The following INO80B variants were observed in gnomAD, a reference collection of about 807,000 sequenced individuals.
INO80B encodes the protein IES2 homolog.
INO80B carries 18 observed loss-of-function variants against 31.4 expected under a neutral mutation model. That is an observed-to-expected ratio of 0.57 (90% CI 0.40 to 0.85). The LOEUF is 0.85. Among genes scored for constraint, INO80B ranks in the 40% least tolerant of loss-of-function variants. The pLI is 0.00. For missense variants in INO80B, 469 were observed against 475.4 expected (o/e 0.99, Z 0.13); for synonymous variants, 238 against 199.0 (o/e 1.20, Z -1.65).
rs2103964297 is a variant in INO80B at position 74,457,935 on chromosome 2, C to T, written c.*71C>T. The stretch of plus-strand genomic sequence containing the variant: ...GTATCTTCCCCACCCTATTAAATTA[C>T]ATCCGGTGCTTCGGCTTGTACAGAA... On this transcript the variant is annotated 3_prime_UTR_variant, in exon 5 of 5. Coordinates refer to ENST00000233331, the MANE Select transcript of INO80B (RefSeq NM_031288.4). 2.2e-6 allele frequency: 3 copies of T among 1,387,922 alleles called. No individual in the cohort carries two copies. The highest frequency in any genetic ancestry group is 2.9e-6 in the Non-Finnish European group (3 of 1,042,342). 86.0% of individuals were successfully genotyped at this position (1,387,922 alleles called of 1,614,324 possible).
At position 74,457,482 on chromosome 2, in the gene INO80B, G is replaced by T; in HGVS notation, c.689G>T (p.Arg230Leu). Residue 230 changes from arginine (R) to leucine (L), a missense_variant, in exon 5 of 5, where the codon CGG (arginine) becomes CTG (leucine). By Grantham distance (102) the Arg-to-Leu change is moderately radical. Transcript: ENST00000233331. ...AAGCGGCGGCTCCAGGCGGCGCGGCGGGCAGAAGAGCACAAGAACCAGACT... is the reference window on the plus strand; with the variant it reads ...AAGCGGCGGCTCCAGGCGGCGCGGCTGGCAGAAGAGCACAAGAACCAGACT... ...ARKRRLQAAR[R>L]AEEHKNQTIE... 1 of 1,552,346 alleles carries T rather than the reference G, an allele frequency of 6.4e-7. No homozygotes were observed.
chr2:74,457,440 G>T lies in INO80B; in HGVS notation c.647G>T (p.Arg216Leu). Residue 216 changes from arginine (R) to leucine (L), a missense_variant, in exon 5 of 5, where the codon CGC (arginine) becomes CTC (leucine). Arg to Leu is a moderately radical substitution (Grantham distance 102). Coordinates refer to ENST00000233331, the MANE Select transcript of INO80B (RefSeq NM_031288.4). ...CTCACAGAGGAGATGCTGCTGAAGC[G>T]CGAGGAGCGGGCGCGGAAGCGGCGG... ...PALTEEMLLK[R>L]EERARKRRLQ... 6.3e-7 allele frequency: 1 copy of T among 1,583,534 alleles called. No homozygotes were observed.
Position 74,457,700 on chromosome 2 carries a change from T to A in INO80B, c.907T>A (p.Ser303Thr). 6.3e-7 allele frequency: 1 copy of A among 1,599,728 alleles called. No individual in the cohort carries two copies. The highest frequency in any genetic ancestry group is 1.1e-5 in the South Asian group (1 of 90,802). ...GGCAGTGTCTCAGCGGCCATCCCCC[T>A]CAGGCCCGCCGCCGCGCTGCTCTGT... ...PTAVSQRPSPSGPPPRCSVPG... is the reference protein window; with the variant it reads ...PTAVSQRPSPTGPPPRCSVPG... The change falls in exon 5 of 5, where the codon TCA (serine) becomes ACA (threonine). Residue 303 changes from serine to threonine, a missense_variant. Coordinates refer to ENST00000233331, the MANE Select transcript of INO80B (RefSeq NM_031288.4).
chr2:74,457,473 C>A lies in INO80B; in HGVS notation c.680C>A (p.Ala227Glu). 6.4e-7 allele frequency: 1 copy of A among 1,556,298 alleles called. No homozygotes were observed. The highest frequency in any genetic ancestry group is 8.7e-7 in the Non-Finnish European group (1 of 1,150,576). Residue 227 changes from alanine (A) to glutamate (E), a missense_variant, in exon 5 of 5, where the codon GCG becomes GAG. This residue lies in a region of INO80B where 45 missense variants were observed against 70.3 expected (regional missense o/e 0.64). Transcript: ENST00000233331. Reference sequence around the variant, plus strand: ...CGGGCGCGGAAGCGGCGGCTCCAGGCGGCGCGGCGGGCAGAAGAGCACAAG... The same window carrying A: ...CGGGCGCGGAAGCGGCGGCTCCAGGAGGCGCGGCGGGCAGAAGAGCACAAG... ...EERARKRRLQ[A>E]ARRAEEHKNQ...
In INO80B at chr2:74,457,380, C is replaced by G. The variant is rs757074865; in HGVS notation, c.587C>G (p.Pro196Arg). The G allele has an allele frequency of 6.2e-7, 1 of 1,608,726 alleles. No homozygotes were observed. The highest frequency in any genetic ancestry group is 2.2e-5 in the East Asian group (1 of 44,582). Residue 196 changes from proline to arginine, a missense_variant, in exon 5 of 5, where the codon CCG (proline) becomes CGG (arginine). Physicochemically the swap from Pro to Arg is moderately radical, Grantham distance 103. This residue lies in a region of INO80B where 223 missense variants were observed against 253.4 expected (regional missense o/e 0.88). Coordinates refer to ENST00000233331, the MANE Select transcript of INO80B (RefSeq NM_031288.4). ...CGGAGTCAACCTTCCCCTATGCTGC[C>G]GCTGCCTGTAGCTGAGGGCTGCCCA... ...KARSQPSPML[P>R]LPVAEGCPPP... is the part of the protein sequence containing the mutation.
rs1237912355 is a variant in INO80B, at chr2:74,457,705, C to A, written c.912C>A (p.Gly304=). ...TAVSQRPSPS[G]PPPRCSVPGC... ...TGTCTCAGCGGCCATCCCCCTCAGG[C>A]CCGCCGCCGCGCTGCTCTGTCCCCG... The change falls in exon 5 of 5, where the codon GGC becomes GGA. Residue 304 remains glycine, a synonymous_variant. Transcript: ENST00000233331. 9 of 1,599,818 alleles carry A rather than the reference C, an allele frequency of 5.6e-6. No homozygotes were observed. Among genetic ancestry groups the A allele is most frequent in the Non-Finnish European group, 6.8e-6 (8 of 1,179,242 alleles).
intron 4 of INO80B, among the ~76,000 whole-genome samples, chr2:74,456,475 A>G (rs1374620912): frequency 6.6e-6 from 1 of 152,256 alleles, no homozygotes; most frequent in African/African-American, 2.4e-5. Flanking sequence ...TATATGGTTT[A>G]TGACAAAAAG....
At position 74,455,184 on chromosome 2, in the gene INO80B, A is replaced by C. The variant is rs374413390; in HGVS notation, c.58+10A>C. The C allele has an allele frequency of 6.2e-6, 10 of 1,614,002 alleles. No homozygotes were observed. In the African/African-American group the frequency reaches 1.1e-4, roughly 17 times the overall value. On this transcript the variant is annotated intron_variant, in intron 1 of 4. Transcript: ENST00000233331. ...GAGGCCCCTGAGCCGGGTAAGCGCGAATAGATCAAGCAATTTAGGTCGTGT... is the reference window on the plus strand; with the variant it reads ...GAGGCCCCTGAGCCGGGTAAGCGCGCATAGATCAAGCAATTTAGGTCGTGT...
chr2:74,455,642 G>A (rs1285625005), intron 2 of INO80B, 44 bp downstream of exon 2: 1 of 1,559,306 alleles, frequency 6.4e-7, no homozygotes, highest in Admixed American at 2.0e-5. Context: ...AACTTTAGGA[G>A]CAGAGATAGT....
chr2:74,457,715 C>G lies in INO80B; in HGVS notation c.922C>G (p.Arg308Gly), dbSNP rs762609659. The change falls in exon 5 of 5, where the codon CGC becomes GGC. Residue 308 changes from arginine to glycine, a missense_variant. This residue lies in a region of INO80B where 201 missense variants were observed against 151.7 expected (regional missense o/e 1.32). Transcript: ENST00000233331. ...GCCATCCCCCTCAGGCCCGCCGCCG[C>G]GCTGCTCTGTCCCCGGCTGTCCCCA... ...QRPSPSGPPP[R>G]CSVPGCPHPR... The G allele has an allele frequency of 6.2e-7, 1 of 1,600,244 alleles. No individual in the cohort carries two copies. The highest frequency in any genetic ancestry group is 8.5e-7 in the Non-Finnish European group (1 of 1,179,508).
At position 74,457,731 on chromosome 2, in the gene INO80B, G is replaced by T; in HGVS notation, c.938G>T (p.Gly313Val). Residue 313 changes from glycine to valine, a missense_variant, in exon 5 of 5, where the codon GGC becomes GTC. Physicochemically the swap from Gly to Val is moderately radical, Grantham distance 109. This residue lies in a region of INO80B where 201 missense variants were observed against 151.7 expected (regional missense o/e 1.32). Transcript: ENST00000233331. ...SGPPPRCSVPGCPHPRRYACS... is the reference protein window; with the variant it reads ...SGPPPRCSVPVCPHPRRYACS... ...CCGCCGCCGCGCTGCTCTGTCCCCG[G>T]CTGTCCCCATCCGCGCCGCTACGCT... is the stretch of plus-strand genomic sequence containing the variant. 6.2e-7 allele frequency: 1 copy of T among 1,600,384 alleles called. No homozygotes were observed. Among genetic ancestry groups the T allele is most frequent in the South Asian group, 1.1e-5 (1 of 91,020 alleles).
At position 74,457,314 on chromosome 2, in the gene INO80B, C is replaced by A; in HGVS notation, c.541-20C>A. On this transcript the variant is annotated intron_variant, in intron 4 of 4. Coordinates refer to ENST00000233331, the MANE Select transcript of INO80B (RefSeq NM_031288.4). ...TCTTCCTCCATTTTCAGACAGCACC[C>A]CGTCTCTGTCTCTCCCTAGCGAGCT... is the stretch of plus-strand genomic sequence containing the variant. 1.9e-6 allele frequency: 3 copies of A among 1,594,872 alleles called. No homozygotes were observed. Among genetic ancestry groups the A allele is most frequent in the Non-Finnish European group, 2.6e-6 (3 of 1,171,518 alleles).
chr2:74,455,683 C>G, intron 2 of INO80B, 85 bp downstream of exon 2: 1 of 1,458,210 alleles, frequency 6.9e-7, no homozygotes, highest in Non-Finnish European at 9.4e-7. Context: ...TTCTAGAAGA[C>G]CGAATGGACA....
At position 74,457,822 on chromosome 2, in the gene INO80B, G is replaced by A; in HGVS notation, c.1029G>A (p.Leu343=). ...ACCGCATCAACCTGCAGATGCGGCT[G>A]GGGGGGCCCGAGGGTCCTGGATCCC... ...QCYRINLQMR[L]GGPEGPGSPL... The change falls in exon 5 of 5, where the codon CTG becomes CTA. Residue 343 remains leucine (L), a synonymous_variant. Transcript: ENST00000233331. 6.3e-7 allele frequency: 1 copy of A among 1,581,624 alleles called. No homozygotes were observed. The highest frequency in any genetic ancestry group is 8.5e-7 in the Non-Finnish European group (1 of 1,171,436).
Position 74,455,371 on chromosome 2 carries a change from C to G in INO80B, c.59-35C>G, listed in dbSNP as rs376540733. ...ATTCAGGGCTTCCCCTGCCACCCTC[C>G]GGCCAAACACTGTCGACAGGCTTTC... On this transcript the variant is annotated intron_variant, in intron 1 of 4. Transcript: ENST00000233331. The G allele has an allele frequency of 3.7e-6, 6 of 1,613,416 alleles. No homozygotes were observed. The South Asian group carries it at 5.5e-5, about 15-fold the overall frequency.
rs771409680 is a variant in INO80B at position 74,457,617 on chromosome 2, A to T, written c.824A>T (p.Tyr275Phe). Residue 275 changes from tyrosine (Y) to phenylalanine (F), a missense_variant, in exon 5 of 5, where the codon TAC becomes TTC. This residue lies in a region of INO80B where 201 missense variants were observed against 151.7 expected (regional missense o/e 1.32). Transcript: ENST00000233331. ...RAAAPAPMVR[Y>F]CSGAQGSTLS... The stretch of plus-strand genomic sequence containing the variant: ...GCGGCTCCGGCCCCCATGGTGCGCT[A>T]CTGCAGCGGAGCACAGGGTTCCACC... 1.0e-5 allele frequency: 16 copies of T among 1,582,280 alleles called. No homozygotes were observed. Among genetic ancestry groups the T allele is most frequent in the Non-Finnish European group, 1.3e-5 (15 of 1,170,588 alleles).
Position 74,457,941 on chromosome 2 carries a change from G to T in INO80B, c.*77G>T, listed in dbSNP as rs1262830970. The T allele has an allele frequency of 2.2e-6, 3 of 1,372,336 alleles. No homozygotes were observed. In the African/African-American group the frequency reaches 4.5e-5, roughly 21 times the overall value. 85.0% of individuals were successfully genotyped at this position (1,372,336 alleles called of 1,614,324 possible). A position where few individuals can be genotyped will look rare whatever the true frequency, so the allele number is the denominator to read the frequency against. On this transcript the variant is annotated 3_prime_UTR_variant, in exon 5 of 5. Coordinates refer to ENST00000233331, the MANE Select transcript of INO80B (RefSeq NM_031288.4). ...TCCCCACCCTATTAAATTACATCCG[G>T]TGCTTCGGCTTGTACAGAACTGGGG...
Position 74,456,157 on chromosome 2 carries a change from G to C in INO80B, c.425G>C (p.Gly142Ala), listed in dbSNP as rs1671691464. Residue 142 changes from glycine to alanine, a missense_variant, in exon 4 of 5, where the codon GGG (glycine) becomes GCG (alanine). Coordinates refer to ENST00000233331, the MANE Select transcript of INO80B (RefSeq NM_031288.4). Reference sequence around the variant, plus strand: ...CTTCGGGACCTATCAGGAGGGTTAGGGGGTCAGGAGGAAGAGGAGGAACAG... The same window carrying C: ...CTTCGGGACCTATCAGGAGGGTTAGCGGGTCAGGAGGAAGAGGAGGAACAG... ...SPLRDLSGGL[G>A]GQEEEEEQRW... is the part of the protein sequence containing the mutation. The C allele has an allele frequency of 4.3e-6, 7 of 1,613,026 alleles. No homozygotes were observed. Among genetic ancestry groups the C allele is most frequent in the Non-Finnish European group, 5.9e-6 (7 of 1,179,392 alleles).
At position 74,457,761 on chromosome 2, in the gene INO80B, C is replaced by G. The variant is rs1394793852; in HGVS notation, c.968C>G (p.Ser323Cys). Residue 323 changes from serine (S) to cysteine (C), a missense_variant, in exon 5 of 5, where the codon TCC becomes TGC. This residue lies in a region of INO80B where 201 missense variants were observed against 151.7 expected (regional missense o/e 1.32). Transcript: ENST00000233331. ...CCCCATCCGCGCCGCTACGCTTGCT[C>G]CCGCACAGGCCAGGCACTCTGTAGT... Reference protein sequence around the residue: ...GCPHPRRYACSRTGQALCSLQ... With the variant: ...GCPHPRRYACCRTGQALCSLQ... 4.4e-6 allele frequency: 7 copies of G among 1,599,828 alleles called. No homozygotes were observed. The South Asian group carries it at 7.7e-5, about 18-fold the overall frequency.
Sources: gnomAD v4.1 joint callset for allele counts (sites outside exome capture counted in the v4.1 genomes callset) on GRCh38, gnomAD v4.1.1 for gene constraint, gnomAD v4.1.1 regional missense constraint, MANE v1.5 for transcripts, NCBI Gene and HGNC (gene_info 2026-07-23, HGNC 2026-07-21) for gene names.